DENND5B: variants seen among roughly 807,000 people sequenced by gnomAD.
The protein encoded by DENND5B is DENN domain-containing protein 5B.
DENND5B carries 34 observed loss-of-function variants against 140.6 expected under a neutral mutation model. The observed-to-expected ratio is 0.24, with a 90% CI of 0.18 to 0.32. DENND5B has a LOEUF of 0.32. DENND5B is among the 10% of genes least tolerant of loss of function. The pLI is 1.00. For missense variants in DENND5B, 1,142 were observed against 1,560.2 expected (o/e 0.73, Z 4.52); for synonymous variants, 551 against 562.1 (o/e 0.98, Z 0.28).
Position 31,387,499 on chromosome 12 carries a change from G to A in DENND5B, c.*104C>T, listed in dbSNP as rs1449313927. ...GAGGATTGTTCCAAATGGGGCATAT[G>A]TTTGGCTGCCCCTGCAGTGACTCAC... On this transcript the variant is annotated 3_prime_UTR_variant, in exon 21 of 21. Transcript: ENST00000389082. 7 of 1,208,222 alleles carry A rather than the reference G, an allele frequency of 5.8e-6. No homozygotes were observed. The highest frequency in any genetic ancestry group is 8.1e-6 in the Non-Finnish European group (7 of 861,376). 74.8% of individuals were successfully genotyped at this position (1,208,222 alleles called of 1,614,324 possible). A position where few individuals can be genotyped will look rare whatever the true frequency, so the allele number is the denominator to read the frequency against.
chr12:31,575,249 A>G (rs1440514881), intron 1 of DENND5B, among the ~76,000 whole-genome samples: 1 of 152,218 alleles, frequency 6.6e-6, no homozygotes, highest in Non-Finnish European at 1.5e-5. Flanking sequence ...CTAAAAGTAA[A>G]TCACCTACAA....
intron 7 of DENND5B, 32 bp downstream of exon 7, chr12:31,442,743 C>A: frequency 6.2e-7 from 1 of 1,600,378 alleles, no homozygotes. Flanking sequence ...TTCATTCCTT[C>A]AACCAACTAC....
At chr12:31,417,760 T>C (rs1942824640) in intron 11 of DENND5B, among the ~76,000 whole-genome samples, 1 of 152,222 alleles carries the variant, frequency 6.6e-6, no homozygotes, top group African/African-American at 2.4e-5. Context: ...CCATGGAGTT[T>C]AGGCCTTTCA....
intron 8 of DENND5B, among the ~76,000 whole-genome samples, chr12:31,427,451 C>A (rs1943294104): frequency 6.6e-6 from 1 of 151,876 alleles, no homozygotes; most frequent in African/African-American, 2.4e-5. Context: ...ACTAAAAATA[C>A]AAAAATTAGC....
At chr12:31,442,971 C>T (rs543443066) in intron 6 of DENND5B, 46 bp from the exon 7 acceptor site, 143 of 1,518,620 alleles carry the variant, frequency 9.4e-5, no homozygotes, top group Non-Finnish European at 1.1e-4. Flanking sequence ...CATTGCTAGC[C>T]CTTCAAAAAT....
intron 1 of DENND5B, among the ~76,000 whole-genome samples, chr12:31,543,891 C>T (rs1212493178): frequency 2.0e-5 from 3 of 152,128 alleles, no homozygotes; most frequent in African/African-American, 4.8e-5. Flanking sequence ...TAAATATGGC[C>T]GGCACAATGG....
At chr12:31,517,610 A>G (rs935466207) in intron 1 of DENND5B, among the ~76,000 whole-genome samples, 2 of 152,358 alleles carry the variant, frequency 1.3e-5, no homozygotes, top group Middle Eastern at 6.8e-3. Flanking sequence ...TTTGGACGTT[A>G]GTCTGTAAAA....
intron 11 of DENND5B, among the ~76,000 whole-genome samples, chr12:31,423,171 C>A (rs1320547587): frequency 6.6e-6 from 1 of 152,024 alleles, no homozygotes; most frequent in Non-Finnish European, 1.5e-5. Context: ...AAACTCCTAA[C>A]CTCAGGTGAT....
intron 7 of DENND5B, among the ~76,000 whole-genome samples, chr12:31,436,446 T>A (rs1447225893): frequency 1.3e-5 from 2 of 151,910 alleles, no homozygotes; most frequent in African/African-American, 4.8e-5. Flanking sequence ...AACTGCCAAA[T>A]CCAATGGCTA....
intron 1 of DENND5B, among the ~76,000 whole-genome samples, chr12:31,545,192 G>A (rs1450312917): frequency 1.3e-5 from 2 of 151,982 alleles, no homozygotes; most frequent in African/African-American, 4.8e-5. Flanking sequence ...GATGATGTTA[G>A]CAGCATGTTT....
At chr12:31,521,061 C>T (rs1378770588) in intron 1 of DENND5B, among the ~76,000 whole-genome samples, 1 of 151,574 alleles carries the variant, frequency 6.6e-6, no homozygotes, top group Non-Finnish European at 1.5e-5. Context: ...GGCTAAGTGG[C>T]TCCCATATCA....
intron 1 of DENND5B, among the ~76,000 whole-genome samples, chr12:31,553,678 T>A (rs575223049): frequency 6.6e-6 from 1 of 152,260 alleles, no homozygotes; most frequent in Non-Finnish European, 1.5e-5. Flanking sequence ...AAGTCTCCCA[T>A]TATTATTGTG....
At chr12:31,492,437 A>G (rs1260893298) in intron 2 of DENND5B, among the ~76,000 whole-genome samples, 2 of 152,166 alleles carry the variant, frequency 1.3e-5, no homozygotes, top group East Asian at 3.8e-4. Flanking sequence ...GGCCCCAGTG[A>G]TCCTCCCACC....
intron 1 of DENND5B, among the ~76,000 whole-genome samples, chr12:31,508,882 CTG>C (rs797022190): frequency 2.6e-5 from 4 of 152,266 alleles, no homozygotes; most frequent in African/African-American, 9.6e-5. Flanking sequence ...CTATCAGAGA[CTG>C]TGATTCTCAA....
intron 3 of DENND5B, among the ~76,000 whole-genome samples, chr12:31,466,245 C>T (rs1447996310): frequency 1.3e-5 from 2 of 151,676 alleles, no homozygotes; most frequent in African/African-American, 4.8e-5. Flanking sequence ...CCCAGCTACT[C>T]GGGAGGCTGA....
intron 1 of DENND5B, among the ~76,000 whole-genome samples, chr12:31,516,129 T>C (rs1169724394): frequency 6.6e-6 from 1 of 152,186 alleles, no homozygotes; most frequent in African/African-American, 2.4e-5. Context: ...TTTATTTATA[T>C]TCATTTTCTC....
chr12:31,402,874 T>C (rs1239303692), intron 14 of DENND5B, among the ~76,000 whole-genome samples: 1 of 152,130 alleles, frequency 6.6e-6, no homozygotes, highest in Non-Finnish European at 1.5e-5. Context: ...AGCATGTATA[T>C]CATCATGTAT....
At chr12:31,562,154 A>C (rs1199882484) in intron 1 of DENND5B, among the ~76,000 whole-genome samples, 2 of 152,224 alleles carry the variant, frequency 1.3e-5, no homozygotes, top group African/African-American at 4.8e-5. Context: ...CAAGTCTAGA[A>C]GTCAGAAAGA....
intron 1 of DENND5B, among the ~76,000 whole-genome samples, chr12:31,508,796 C>T (rs1947301531): frequency 6.6e-6 from 1 of 152,116 alleles, no homozygotes; most frequent in Non-Finnish European, 1.5e-5. Context: ...TAAGGTTCTG[C>T]ACAGACTGAA....
Sources: allele counts gnomAD v4.1 joint callset (sites outside exome capture counted in the v4.1 genomes callset), GRCh38; gene constraint gnomAD v4.1.1; transcripts MANE v1.5; gene names NCBI Gene and HGNC (gene_info 2026-07-23, HGNC 2026-07-21).